ARHGEF18: variants seen among roughly 807,000 people sequenced by gnomAD.
The protein encoded by ARHGEF18 is rho guanine nucleotide exchange factor 18.
A neutral mutation model predicts 155.7 loss-of-function variants in ARHGEF18; 93 were observed. That is an observed-to-expected ratio of 0.60 (90% CI 0.50 to 0.71). ARHGEF18 has a LOEUF of 0.71. Among genes scored for constraint, ARHGEF18 ranks in the 30% least tolerant of loss-of-function variants. The probability of loss-of-function intolerance (pLI) is 0.00; values close to 1 mark genes in which losing one functional copy is unlikely to be tolerated. For missense variants in ARHGEF18, 1,593 were observed against 1,816.1 expected, an observed-to-expected ratio of 0.88 and a Z score of 2.23; for synonymous variants, 742 against 753.1, an observed-to-expected ratio of 0.99 and a Z score of 0.24.
At chr19:7,475,187 G>A (rs966315982), downstream of ARHGEF18, among the ~76,000 whole-genome samples, 3 of 152,136 alleles carry the variant, frequency 2.0e-5, no homozygotes, top group South Asian at 2.1e-4. Flanking sequence ...AGCCGAGATC[G>A]CGCCACCGCA....
chr19:7,470,204 C>G lies in ARHGEF18; in HGVS notation c.3992C>G (p.Ala1331Gly), dbSNP rs745386345. 99 of 1,610,848 alleles carry G rather than the reference C, an allele frequency of 6.1e-5. No homozygotes were observed. Among genetic ancestry groups the G allele is most frequent in the Non-Finnish European group, 8.2e-5 (97 of 1,179,172 alleles). ...EGFSLKAGGT[A>G]LLPGPPAPSP... ...TTCTCTCTCAAGGCCGGGGGCACAG[C>G]CCTCCTGCCCGGGCCCCCAGCTCCC... Residue 1331 changes from alanine (A) to glycine (G), a missense_variant, in exon 29 of 29, where the codon GCC becomes GGC. By Grantham distance (60) the Ala-to-Gly change is moderately conservative. Transcript: ENST00000668164. This position sits in a 1 kb window ranked among gnomAD's most constrained non-coding sequence, Gnocchi z 5.9.
chr19:7,395,176 G>A lies in ARHGEF18; in HGVS notation c.967+11973G>A. The A allele has an allele frequency of 1.0e-6, 1 of 986,116 alleles. No homozygotes were observed. Among genetic ancestry groups the A allele is most frequent in the South Asian group, 4.7e-5 (1 of 21,308 alleles). The allele number at this position is 986,116 out of a possible 1,614,324, so 61.1% of individuals were successfully genotyped here. ...TACTGTGGATCTGGGGGGGCCGGAC[G>A]GAGGCATCGGAGGCGGCTGCGAGAG... On this transcript the variant is annotated intron_variant, in intron 10 of 28. Transcript: ENST00000668164. The surrounding 1 kb of genome is among the most constrained non-coding windows in gnomAD (Gnocchi z 5.0).
chr19:7,376,433 C>T (rs1051333628), intron 4 of ARHGEF18, among the ~76,000 whole-genome samples: 5 of 151,988 alleles, frequency 3.3e-5, no homozygotes, highest in African/African-American at 4.8e-5. Context: ...GAGGCTCCTC[C>T]GCCAGGACTA....
intron 2 of ARHGEF18, among the ~76,000 whole-genome samples, chr19:7,364,124 A>G (rs942018466): frequency 1.3e-4 from 19 of 150,700 alleles, no homozygotes; most frequent in African/African-American, 4.6e-4. Flanking sequence ...AGGAAGGAAG[A>G]TGGATAAATA....
At chr19:7,371,061 C>G (rs1234964330) in intron 2 of ARHGEF18, among the ~76,000 whole-genome samples, 2 of 152,064 alleles carry the variant, frequency 1.3e-5, no homozygotes, top group Non-Finnish European at 2.9e-5. Context: ...CAGGAGCCTC[C>G]CACCATGCCC....
At chr19:7,443,924 G>A (rs951741869) in intron 13 of ARHGEF18, among the ~76,000 whole-genome samples, 6 of 151,602 alleles carry the variant, frequency 4.0e-5, no homozygotes, top group African/African-American at 9.7e-5. Flanking sequence ...AAAAAAACAC[G>A]GACTTAAAAT....
At chr19:7,405,586 G>A (rs1439824799) in intron 10 of ARHGEF18, among the ~76,000 whole-genome samples, 4 of 152,118 alleles carry the variant, frequency 2.6e-5, no homozygotes, top group East Asian at 1.9e-4. Context: ...TATTTCTAGC[G>A]ATTTGTAAAC....
chr19:7,473,892 A>G (rs12151091), downstream of ARHGEF18, among the ~76,000 whole-genome samples: 100,476 of 150,186 alleles, frequency 0.67, 34,072 homozygotes, highest in Middle Eastern at 0.77. Context: ...CCAAGGCAGG[A>G]GGATTGCTTG....
chr19:7,364,269 T>C (rs1445591300), intron 2 of ARHGEF18, among the ~76,000 whole-genome samples: 3 of 145,718 alleles, frequency 2.1e-5, no homozygotes, highest in Non-Finnish European at 4.5e-5. Flanking sequence ...GGAGGATGGA[T>C]AAATGAAAGG....
At chr19:7,426,919 G>C (rs1973699935) in intron 10 of ARHGEF18, among the ~76,000 whole-genome samples, 1 of 152,114 alleles carries the variant, frequency 6.6e-6, no homozygotes, top group Admixed American at 6.6e-5. Context: ...AAAATCATAG[G>C]TCACCTCGCC....
intron 8 of ARHGEF18, among the ~76,000 whole-genome samples, chr19:7,381,236 A>C (rs1350424377): frequency 6.6e-6 from 1 of 152,130 alleles, no homozygotes; most frequent in Non-Finnish European, 1.5e-5. Context: ...GGAGTTTGCC[A>C]ATACGTGCAG....
At position 7,470,657 on chromosome 19, in the gene ARHGEF18, G is replaced by A. The variant is rs1348467068; in HGVS notation, c.*359G>A. On this transcript the variant is annotated 3_prime_UTR_variant, in exon 29 of 29. Coordinates refer to ENST00000668164, the MANE Select transcript of ARHGEF18 (RefSeq NM_001367823.1). This position sits in a 1 kb window ranked among gnomAD's most constrained non-coding sequence, Gnocchi z 5.9. ...TGTTTTTCCGAGGCAGTGAGGAACG[G>A]TGCCGGCTCTGCACGGAGCTGAGGA... 2.5e-6 allele frequency: 1 copy of A among 398,390 alleles called. No individual in the cohort carries two copies. Among genetic ancestry groups the A allele is most frequent in the Non-Finnish European group, 4.4e-6 (1 of 225,756 alleles). The allele number at this position is 398,390 out of a possible 1,614,324, so 24.7% of individuals were successfully genotyped here. A position where few individuals can be genotyped will look rare whatever the true frequency, so the allele number is the denominator to read the frequency against.
intron 27 of ARHGEF18, among the ~76,000 whole-genome samples, 153 bp from the exon 28 acceptor site, chr19:7,469,751 C>T (rs1197146942): frequency 6.6e-6 from 1 of 152,070 alleles, no homozygotes; most frequent in Non-Finnish European, 1.5e-5. Flanking sequence ...GAATCTGGGG[C>T]TTAGCATCTG....
chr19:7,408,276 C>CA (rs1189532742), intron 10 of ARHGEF18, among the ~76,000 whole-genome samples: 6 of 151,308 alleles, frequency 4.0e-5, no homozygotes, highest in Admixed American at 1.3e-4. Flanking sequence ...GACCCTGTTT[C>CA]AAAAAAAAGA....
chr19:7,402,278 G>T (rs1342907681), intron 10 of ARHGEF18, among the ~76,000 whole-genome samples: 1 of 152,146 alleles, frequency 6.6e-6, no homozygotes, highest in African/African-American at 2.4e-5. Flanking sequence ...AATTAGCCAG[G>T]TGTGGTGGTG....
intron 2 of ARHGEF18, among the ~76,000 whole-genome samples, chr19:7,370,367 G>A (rs1970147077): frequency 6.6e-6 from 1 of 151,532 alleles, no homozygotes; most frequent in Non-Finnish European, 1.5e-5. Context: ...GTGGTGGCGG[G>A]GGCCTGTAGT....
At chr19:7,455,817 G>C (rs1975789582) in intron 17 of ARHGEF18, among the ~76,000 whole-genome samples, 1 of 151,834 alleles carries the variant, frequency 6.6e-6, no homozygotes, top group Non-Finnish European at 1.5e-5. Context: ...AGCAGGCAAA[G>C]AGAGAGGGAG....
intron 10 of ARHGEF18, among the ~76,000 whole-genome samples, chr19:7,427,853 C>T (rs1175723739): frequency 6.6e-6 from 1 of 151,508 alleles, no homozygotes; most frequent in Non-Finnish European, 1.5e-5. Flanking sequence ...GGCCGAAGCA[C>T]AAGAATTGGT....
rs538357177 is a variant in ARHGEF18 at position 7,450,177 on chromosome 19, C to T, written c.1738-972C>T. Among the ~76,000 whole-genome samples, 896 of 129,660 alleles carry T rather than the reference C, an allele frequency of 6.9e-3. 5 individuals are homozygous for T. Among genetic ancestry groups the T allele is most frequent in the African/African-American group, 0.025 (862 of 34,380 alleles). The allele number at this position is 129,660 out of a possible 152,430, so 85.1% of individuals were successfully genotyped here. A position where few individuals can be genotyped will look rare whatever the true frequency, so the allele number is the denominator to read the frequency against. ...GCTGTCCATTTCCGAGATGTTAATA[C>T]GCAATCTTGCTGTCCATTTCCGAGC... is the stretch of plus-strand genomic sequence containing the variant. On this transcript the variant is annotated intron_variant, in intron 15 of 28. Transcript: ENST00000668164.
Sources: allele counts gnomAD v4.1 joint callset (sites outside exome capture counted in the v4.1 genomes callset), GRCh38; gene constraint gnomAD v4.1.1; non-coding constraint Gnocchi (gnomAD v3.1); transcripts MANE v1.5; gene names NCBI Gene and HGNC (gene_info 2026-07-23, HGNC 2026-07-21).